Variants in PPP1R9A observed in about 807,000 individuals in gnomAD.
The protein encoded by PPP1R9A is protein phosphatase 1 regulatory subunit 9A, also known as neurabin-1.
A neutral mutation model predicts 141.9 loss-of-function variants in PPP1R9A; 59 were observed. The observed-to-expected ratio is 0.42, with a 90% CI of 0.34 to 0.52. The LOEUF (loss-of-function observed/expected upper bound fraction) is 0.52. Among genes scored for constraint, PPP1R9A ranks in the 20% least tolerant of loss-of-function variants. The pLI is 0.10. For synonymous variants in PPP1R9A, 500 were observed against 569.7 expected (o/e 0.88, Z 1.74); for missense variants, 1,444 against 1,611.9 (o/e 0.90, Z 1.78).
intron 8 of PPP1R9A, among the ~76,000 whole-genome samples, chr7:95,227,286 T>G (rs922299662): frequency 6.6e-6 from 1 of 152,234 alleles, no homozygotes; most frequent in Non-Finnish European, 1.5e-5. Flanking sequence ...TACAGCTCTT[T>G]CATTTTACCA....
At position 95,288,658 on chromosome 7, in the gene PPP1R9A, A is replaced by C. The variant is rs1805797755; in HGVS notation, c.3852A>C (p.Glu1284Asp). Residue 1284 changes from glutamate to aspartate, a missense_variant, in exon 19 of 20, where the codon GAA becomes GAC. Coordinates refer to ENST00000433360, the MANE Select transcript of PPP1R9A (RefSeq NM_001166160.2). ...TAAATCTGGAGCAGTATGTATCTGAATTCAGTGCCCAAAACATCACTGGAG... is the reference window on the plus strand; with the variant it reads ...TAAATCTGGAGCAGTATGTATCTGACTTCAGTGCCCAAAACATCACTGGAG... ...MSLNLEQYVS[E>D]FSAQNITGEQ... 6.2e-7 allele frequency: 1 copy of C among 1,614,008 alleles called. No homozygotes were observed. The highest frequency in any genetic ancestry group is 8.5e-7 in the Non-Finnish European group (1 of 1,180,030).
chr7:95,025,101 G>C (rs187636591), intron 2 of PPP1R9A, among the ~76,000 whole-genome samples: 6 of 151,384 alleles, frequency 4.0e-5, no homozygotes, highest in Admixed American at 4.0e-4. Context: ...ATGGAGTCTC[G>C]CTGTCACCTG....
rs1174446422 is a variant in PPP1R9A, at chr7:95,082,762, ATTTCT to A, written c.1396-28493_1396-28489del. Among the ~76,000 whole-genome samples, 314 of 95,854 alleles carry A rather than the reference ATTTCT, an allele frequency of 3.3e-3. 4 individuals carry two copies. The highest frequency in any genetic ancestry group is 0.01 in the African/African-American group (265 of 26,210). The allele number at this position is 95,854 out of a possible 152,430, so 62.9% of individuals were successfully genotyped here. ...AGAAAAAAAGTGTAGGGTGGAAGGG[ATTTCT>A]TTTTTTTTTTTTTTTTTTTTTTGAG... On this transcript the variant is annotated intron_variant, in intron 2 of 19. Transcript: ENST00000433360.
intron 2 of PPP1R9A, among the ~76,000 whole-genome samples, chr7:95,055,130 T>C (rs1811340376): frequency 6.6e-6 from 1 of 152,204 alleles, no homozygotes; most frequent in Non-Finnish European, 1.5e-5. Context: ...GGAGATAATA[T>C]GTGCATTGCT....
At chr7:94,974,329 C>T (rs1416715025) in intron 2 of PPP1R9A, among the ~76,000 whole-genome samples, 2 of 152,072 alleles carry the variant, frequency 1.3e-5, no homozygotes, top group East Asian at 3.9e-4. Context: ...CCAGGATAAT[C>T]ATAGATAGAG....
chr7:95,219,951 A>G (rs1319070133), intron 7 of PPP1R9A, among the ~76,000 whole-genome samples: 1 of 152,120 alleles, frequency 6.6e-6, no homozygotes, highest in Non-Finnish European at 1.5e-5. Context: ...AACAATCATA[A>G]TCATAACGTC....
At chr7:94,948,389 C>T (rs1309085216) in intron 2 of PPP1R9A, among the ~76,000 whole-genome samples, 2 of 151,886 alleles carry the variant, frequency 1.3e-5, no homozygotes, top group African/African-American at 4.8e-5. Flanking sequence ...CTATGTTTTC[C>T]CCATTCCCCC....
intron 5 of PPP1R9A, among the ~76,000 whole-genome samples, chr7:95,175,485 T>G (rs1832766175): frequency 6.6e-6 from 1 of 150,534 alleles, no homozygotes; most frequent in African/African-American, 2.5e-5. Flanking sequence ...AAATATTCTA[T>G]AACCCTTTGC....
chr7:94,975,692 C>A (rs1158392990), intron 2 of PPP1R9A, among the ~76,000 whole-genome samples: 1 of 152,024 alleles, frequency 6.6e-6, no homozygotes, highest in East Asian at 1.9e-4. Context: ...TAAGTATTAA[C>A]TGTACAATTT....
chr7:95,093,856 C>T lies in PPP1R9A; in HGVS notation c.1396-17403C>T, dbSNP rs535523283. Among the ~76,000 whole-genome samples the T allele has an allele frequency of 2.6e-5, 4 of 152,000 alleles. No individual in the cohort carries two copies. The East Asian group carries it at 7.7e-4, about 29-fold the overall frequency. On this transcript the variant is annotated intron_variant, in intron 2 of 19. Coordinates refer to ENST00000433360, the MANE Select transcript of PPP1R9A (RefSeq NM_001166160.2). ...TTATTATCCTTTTGTGAGTTTTTGC[C>T]TCTCACAGGTCACTTTTCTTTTGTT...
At chr7:95,037,706 C>CGT (rs769909241) in intron 2 of PPP1R9A, among the ~76,000 whole-genome samples, 339 of 147,996 alleles carry the variant, frequency 2.3e-3, no homozygotes, top group Middle Eastern at 7.0e-3. Flanking sequence ...TGTGCGTGCG[C>CGT]GCGTGTGTGT....
intron 5 of PPP1R9A, among the ~76,000 whole-genome samples, chr7:95,171,961 A>G (rs1832176342): frequency 6.6e-6 from 1 of 151,680 alleles, no homozygotes; most frequent in Non-Finnish European, 1.5e-5. Context: ...GTTTGAATGT[A>G]TGGTTGATTT....
chr7:94,909,533 T>C (rs1791216364), intron 1 of PPP1R9A, among the ~76,000 whole-genome samples: 1 of 152,224 alleles, frequency 6.6e-6, no homozygotes, highest in African/African-American at 2.4e-5. Flanking sequence ...TGATGATTTC[T>C]TAAAGATCGA....
intron 2 of PPP1R9A, among the ~76,000 whole-genome samples, chr7:95,045,840 A>T (rs2151947344): frequency 6.6e-6 from 1 of 152,328 alleles, no homozygotes; most frequent in East Asian, 1.9e-4. Flanking sequence ...CTCATGCCTA[A>T]CTACCTACTG....
rs929919297 is a variant in PPP1R9A at position 95,051,843 on chromosome 7, A to G, written c.1396-59416A>G. On this transcript the variant is annotated intron_variant, in intron 2 of 19. Transcript: ENST00000433360. ...GCATTAAAATTTTTTTTTTATTTTA[A>G]TTTTTTTTTTTTTTTTGAGACAGAG... is the stretch of plus-strand genomic sequence containing the variant. Among the ~76,000 whole-genome samples the G allele has an allele frequency of 1.3e-4, 18 of 137,472 alleles. 1 individual carries two copies. The highest frequency in any genetic ancestry group is 1.6e-5 in the Non-Finnish European group (1 of 63,518). 90.2% of individuals were successfully genotyped at this position (137,472 alleles called of 152,430 possible). A position where few individuals can be genotyped will look rare whatever the true frequency, so the allele number is the denominator to read the frequency against.
chr7:95,017,580 G>A (rs1345304251), intron 2 of PPP1R9A, among the ~76,000 whole-genome samples: 1 of 152,042 alleles, frequency 6.6e-6, no homozygotes, highest in Non-Finnish European at 1.5e-5. Context: ...GTTGCCAATA[G>A]AATAGGAGGG....
intron 5 of PPP1R9A, among the ~76,000 whole-genome samples, chr7:95,181,877 C>T (rs913450314): frequency 4.0e-5 from 6 of 150,028 alleles, no homozygotes; most frequent in African/African-American, 1.2e-4. Context: ...ATGGCATTCA[C>T]GGCAACCTCG....
Position 95,295,725 on chromosome 7 carries a change from C to T in PPP1R9A, c.*5422C>T, listed in dbSNP as rs1211834937. On this transcript the variant is annotated 3_prime_UTR_variant, in exon 20 of 20. Transcript: ENST00000433360. ...GTTTTCTGTTAAGGATGTAATCATT[C>T]ATTCAAGAAAGAACAATTGGCAAGA... 1 of 152,172 alleles carries T rather than the reference C, an allele frequency of 6.6e-6. No individual in the cohort carries two copies. The highest frequency in any genetic ancestry group is 1.5e-5 in the Non-Finnish European group (1 of 68,024). The allele number at this position is 152,172 out of a possible 1,614,324, so 9.4% of individuals were successfully genotyped here.
intron 2 of PPP1R9A, among the ~76,000 whole-genome samples, chr7:94,991,384 TG>T (rs1307639653): frequency 6.6e-6 from 1 of 152,192 alleles, no homozygotes; most frequent in Non-Finnish European, 1.5e-5. Context: ...CTTGCCTTTT[TG>T]TTTGTTTTTC....
Sources: allele counts gnomAD v4.1 joint callset (sites outside exome capture counted in the v4.1 genomes callset), GRCh38; gene constraint gnomAD v4.1.1; transcripts MANE v1.5; gene names NCBI Gene and HGNC (gene_info 2026-07-23, HGNC 2026-07-21).